Variants in GRID2 observed in about 807,000 individuals in gnomAD.
GRID2 encodes glutamate ionotropic receptor delta type subunit 2.
Under a neutral mutation model 114.8 loss-of-function variants are expected in GRID2, and 33 were observed. That is an observed-to-expected ratio of 0.29 (90% CI 0.22 to 0.38). The LOEUF (loss-of-function observed/expected upper bound fraction) is 0.38. GRID2 is among the 10% of genes least tolerant of loss of function. The pLI is 1.00. For synonymous variants in GRID2, 505 were observed against 449.9 expected, an observed-to-expected ratio of 1.12 and a Z score of -1.55; for missense variants, 1,184 against 1,257.7, an observed-to-expected ratio of 0.94 and a Z score of 0.89.
At chr4:92,923,413 C>T (rs1372826342) in intron 2 of GRID2, among the ~76,000 whole-genome samples, 1 of 151,908 alleles carries the variant, frequency 6.6e-6, no homozygotes, top group African/African-American at 2.4e-5. Context: ...TTGTTGTAAT[C>T]TTTTAAAAAG....
At chr4:92,433,376 C>T (rs1732563998) in intron 1 of GRID2, among the ~76,000 whole-genome samples, 1 of 152,192 alleles carries the variant, frequency 6.6e-6, no homozygotes, top group Admixed American at 6.5e-5. Context: ...TGTAGGTTGC[C>T]AGAGTGCTTT....
intron 13 of GRID2, among the ~76,000 whole-genome samples, chr4:93,594,163 G>A (rs1202182633): frequency 2.0e-5 from 3 of 151,632 alleles, no homozygotes; most frequent in African/African-American, 4.9e-5. Flanking sequence ...TTTCTGTTCT[G>A]TCTTTTCCCC....
chr4:92,972,238 C>T (rs1203080864), intron 2 of GRID2, among the ~76,000 whole-genome samples: 3 of 151,046 alleles, frequency 2.0e-5, no homozygotes, highest in Non-Finnish European at 4.4e-5. Flanking sequence ...AACAGCTATC[C>T]TAACTGGGGT....
chr4:93,076,598 A>T (rs1451068651), intron 2 of GRID2, among the ~76,000 whole-genome samples: 1 of 149,202 alleles, frequency 6.7e-6, no homozygotes, highest in African/African-American at 2.5e-5. Context: ...CTTCTTCAAA[A>T]TTCACCAACC....
At chr4:93,688,567 T>G (rs2110109475) in intron 14 of GRID2, among the ~76,000 whole-genome samples, 1 of 152,146 alleles carries the variant, frequency 6.6e-6, no homozygotes, top group East Asian at 1.9e-4. Context: ...CCCTGATCTG[T>G]GTGATTCAAA....
intron 10 of GRID2, among the ~76,000 whole-genome samples, chr4:93,436,096 G>A (rs1721053503): frequency 6.6e-6 from 1 of 152,096 alleles, no homozygotes. Flanking sequence ...CAATCCAATT[G>A]AAGTGAAAAG....
intron 2 of GRID2, among the ~76,000 whole-genome samples, chr4:93,024,166 G>A (rs1294007884): frequency 6.6e-6 from 1 of 151,626 alleles, no homozygotes; most frequent in African/African-American, 2.4e-5. Flanking sequence ...ATAATTTCAA[G>A]TCTTACTAAG....
chr4:93,418,916 GA>G (rs1044525540), intron 9 of GRID2, among the ~76,000 whole-genome samples: 1 of 151,722 alleles, frequency 6.6e-6, no homozygotes, highest in Admixed American at 6.6e-5. Context: ...TCCATAGGTG[GA>G]AAAAAATAGA....
chr4:92,336,034 CATT>C (rs1351206265), intron 1 of GRID2, among the ~76,000 whole-genome samples: 2 of 152,076 alleles, frequency 1.3e-5, no homozygotes, highest in African/African-American at 4.8e-5. Context: ...GAATGGCTAA[CATT>C]ATAATGTATG....
At chr4:93,255,658 T>A (rs1314492254) in intron 8 of GRID2, among the ~76,000 whole-genome samples, 1 of 152,042 alleles carries the variant, frequency 6.6e-6, no homozygotes, top group African/African-American at 2.4e-5. Flanking sequence ...GAAGGGGTTA[T>A]TATAAAGCCA....
chr4:93,215,949 C>A (rs1184549064), intron 5 of GRID2, among the ~76,000 whole-genome samples: 2 of 151,954 alleles, frequency 1.3e-5, no homozygotes, highest in Non-Finnish European at 2.9e-5. Flanking sequence ...TCCAAATGAA[C>A]ACTATTAAGC....
chr4:92,751,629 G>A (rs1737459315), intron 2 of GRID2, among the ~76,000 whole-genome samples: 1 of 152,132 alleles, frequency 6.6e-6, no homozygotes, highest in African/African-American at 2.4e-5. Context: ...TCAGTTTTGT[G>A]GCTTTTTTAA....
At chr4:92,427,284 T>TAGA (rs1732208079) in intron 1 of GRID2, among the ~76,000 whole-genome samples, 1 of 152,184 alleles carries the variant, frequency 6.6e-6, no homozygotes, top group Non-Finnish European at 1.5e-5. Context: ...ATTCTTGATC[T>TAGA]ATTATGTTCC....
intron 1 of GRID2, among the ~76,000 whole-genome samples, chr4:92,535,278 T>G (rs1348771560): frequency 6.6e-6 from 1 of 152,180 alleles, no homozygotes; most frequent in Admixed American, 6.5e-5. Flanking sequence ...TTTTAAGTGT[T>G]GTTAGAATTC....
At chr4:93,651,467 C>T (rs551810996) in intron 14 of GRID2, among the ~76,000 whole-genome samples, 3 of 152,150 alleles carry the variant, frequency 2.0e-5, no homozygotes, top group Non-Finnish European at 4.4e-5. Context: ...TCTTTGAATC[C>T]TTAAGCTTCC....
chr4:93,319,250 T>A (rs1215824899), intron 8 of GRID2, among the ~76,000 whole-genome samples: 1 of 152,104 alleles, frequency 6.6e-6, no homozygotes, highest in Non-Finnish European at 1.5e-5. Context: ...ACAGAGCCAT[T>A]CAATATGTTG....
At chr4:93,453,678 T>A (rs1360848569) in intron 10 of GRID2, among the ~76,000 whole-genome samples, 2 of 152,086 alleles carry the variant, frequency 1.3e-5, no homozygotes, top group East Asian at 3.9e-4. Context: ...AAGTAAAACA[T>A]ATAATTATTT....
At chr4:92,360,325 C>T (rs1163551400) in intron 1 of GRID2, among the ~76,000 whole-genome samples, 1 of 151,914 alleles carries the variant, frequency 6.6e-6, no homozygotes, top group Non-Finnish European at 1.5e-5. Flanking sequence ...TACACCCCCA[C>T]CACTCCTTGT....
intron 2 of GRID2, among the ~76,000 whole-genome samples, chr4:92,967,501 T>A (rs188203153): frequency 0.029 from 4,328 of 147,646 alleles, 93 homozygotes; most frequent in Admixed American, 0.037. Flanking sequence ...GTCATTTTTT[T>A]AAAAAAATAT....
Sources: gnomAD v4.1 joint callset for allele counts (sites outside exome capture counted in the v4.1 genomes callset) on GRCh38, gnomAD v4.1.1 for gene constraint, MANE v1.5 for transcripts, NCBI Gene and HGNC (gene_info 2026-07-23, HGNC 2026-07-21) for gene names.